Variants in NAV2 observed in about 807,000 individuals in gnomAD.
NAV2 encodes helicase, APC down-regulated 1.
NAV2 carries 54 observed loss-of-function variants against 223.2 expected under a neutral mutation model. That is an observed-to-expected ratio of 0.24 (90% CI 0.19 to 0.30). NAV2 has a LOEUF of 0.30. Among genes scored for constraint, NAV2 ranks in the 10% least tolerant of loss-of-function variants. The pLI, the probability that NAV2 is intolerant of heterozygous loss-of-function variation, is 1.00. For missense variants in NAV2, 2,806 were observed against 3,147.5 expected (o/e 0.89, Z 2.60); for synonymous variants, 1,279 against 1,239.3 (o/e 1.03, Z -0.67).
intron 12 of NAV2, among the ~76,000 whole-genome samples, chr11:20,042,021 A>T (rs1018509289): frequency 5.5e-4 from 84 of 152,048 alleles, no homozygotes; most frequent in African/African-American, 2.0e-3. Context: ...GTTTCACTGG[A>T]TCGTAAGCTC....
chr11:20,023,420 T>G (rs1274355915), intron 11 of NAV2, among the ~76,000 whole-genome samples: 1 of 152,134 alleles, frequency 6.6e-6, no homozygotes, highest in African/African-American at 2.4e-5. Flanking sequence ...CACCTAGACA[T>G]TTGGGTAATG....
intron 6 of NAV2, among the ~76,000 whole-genome samples, chr11:19,894,305 C>T (rs868382724): frequency 2.6e-5 from 4 of 152,140 alleles, no homozygotes; most frequent in Non-Finnish European, 4.4e-5. Context: ...CTTGAAGCTT[C>T]GCCTGTTGAG....
chr11:20,066,272 T>A (rs567484258), intron 20 of NAV2, among the ~76,000 whole-genome samples: 1 of 152,246 alleles, frequency 6.6e-6, no homozygotes, highest in African/African-American at 2.4e-5. Context: ...AGGAAATCAG[T>A]AAGTATTTGA....
chr11:19,830,979 G>A (rs1437487730), intron 1 of NAV2, among the ~76,000 whole-genome samples: 1 of 151,996 alleles, frequency 6.6e-6, no homozygotes, highest in East Asian at 1.9e-4. Flanking sequence ...GGGCTGTGTT[G>A]TGAAATAGAA....
At chr11:19,736,513 C>A (rs1441118504) in intron 1 of NAV2, among the ~76,000 whole-genome samples, 1 of 152,194 alleles carries the variant, frequency 6.6e-6, no homozygotes, top group Non-Finnish European at 1.5e-5. Flanking sequence ...TTTCATAAAA[C>A]TGGATATGCT....
chr11:19,586,010 G>T (rs948053282), intron 1 of NAV2, among the ~76,000 whole-genome samples: 1 of 152,174 alleles, frequency 6.6e-6, no homozygotes, highest in African/African-American at 2.4e-5. Flanking sequence ...GTCAGTTTCA[G>T]GTACACCAAT....
chr11:19,638,798 G>C (rs2047575409), intron 1 of NAV2, among the ~76,000 whole-genome samples: 1 of 152,088 alleles, frequency 6.6e-6, no homozygotes, highest in Non-Finnish European at 1.5e-5. Context: ...TTCGAGACCA[G>C]CCTGACCAAC....
intron 1 of NAV2, among the ~76,000 whole-genome samples, chr11:19,548,870 C>T (rs2044594518): frequency 1.0e-5 from 1 of 98,448 alleles, no homozygotes; most frequent in Non-Finnish European, 2.2e-5. Context: ...ACATCAGGCT[C>T]CGTCTCAAAA....
chr11:19,654,323 A>G (rs1333839075), intron 1 of NAV2, among the ~76,000 whole-genome samples: 1 of 151,838 alleles, frequency 6.6e-6, no homozygotes, highest in East Asian at 1.9e-4. Context: ...TGCCAAAGGT[A>G]ATTTACAGAT....
intron 1 of NAV2, among the ~76,000 whole-genome samples, chr11:19,768,225 G>C (rs2055392129): frequency 6.6e-6 from 1 of 152,160 alleles, no homozygotes; most frequent in South Asian, 2.1e-4. Context: ...TGAAGGGCAG[G>C]CTGTTTTTTT....
rs10524489 is a variant in NAV2, at chr11:19,897,886, TTATA to T, written c.931+5308_931+5311del. ...GCCACAGCTGTGCCTGACCTGTGATTTATATATATATATATATATGTGAGCAGAT... is the reference window on the plus strand; with the variant it reads ...GCCACAGCTGTGCCTGACCTGTGATTTATATATATATATATGTGAGCAGAT... On this transcript the variant is annotated intron_variant, in intron 6 of 37. Transcript: ENST00000349880. 1.3e-4 allele frequency among the ~76,000 whole-genome samples: 16 copies of T among 120,650 alleles called. 4 individuals are homozygous for T. Among genetic ancestry groups the T allele is most frequent in the East Asian group, 1.0e-3 (3 of 2,922 alleles). The allele number at this position is 120,650 out of a possible 152,430, so 79.2% of individuals were successfully genotyped here. A position where few individuals can be genotyped will look rare whatever the true frequency, so the allele number is the denominator to read the frequency against.
At chr11:19,709,083 T>A (rs927184883), upstream of NAV2, among the ~76,000 whole-genome samples, 5 of 152,086 alleles carry the variant, frequency 3.3e-5, no homozygotes, top group Non-Finnish European at 7.4e-5. Context: ...AGTAAACTTA[T>A]AGGCCGTTTT....
At chr11:19,667,366 A>C (rs1007438144) in intron 1 of NAV2, among the ~76,000 whole-genome samples, 2 of 152,190 alleles carry the variant, frequency 1.3e-5, no homozygotes, top group African/African-American at 4.8e-5. Context: ...GTGGACAAAT[A>C]ATTACAATGT....
At chr11:19,913,775 T>C (rs559455782) in intron 6 of NAV2, among the ~76,000 whole-genome samples, 3 of 142,314 alleles carry the variant, frequency 2.1e-5, no homozygotes, top group African/African-American at 5.7e-5. Flanking sequence ...TTTAGTTCTA[T>C]GTACTTTGAT....
chr11:19,766,929 G>A (rs866786573), intron 1 of NAV2, among the ~76,000 whole-genome samples: 1 of 152,176 alleles, frequency 6.6e-6, no homozygotes, highest in African/African-American at 2.4e-5. Flanking sequence ...GACTGCAGGG[G>A]ATGATCCTGT....
chr11:19,488,307 C>T (rs975285768), intron 1 of NAV2, among the ~76,000 whole-genome samples: 2 of 152,186 alleles, frequency 1.3e-5, no homozygotes, highest in Non-Finnish European at 2.9e-5. Flanking sequence ...TTATAACTAG[C>T]TTTATTAGTC....
intron 1 of NAV2, among the ~76,000 whole-genome samples, chr11:19,828,388 C>T (rs1218562754): frequency 1.4e-5 from 2 of 138,830 alleles, no homozygotes; most frequent in Non-Finnish European, 1.6e-5. Flanking sequence ...TATTCTACTT[C>T]GTCTCTATGA....
chr11:19,457,822 C>T (rs540811631), intron 1 of NAV2, among the ~76,000 whole-genome samples: 1 of 152,308 alleles, frequency 6.6e-6, no homozygotes, highest in Admixed American at 6.5e-5. Flanking sequence ...ACAAAGCCCC[C>T]ACCCTGAAGG....
chr11:19,956,709 C>T (rs1345520681), intron 10 of NAV2, among the ~76,000 whole-genome samples: 1 of 152,160 alleles, frequency 6.6e-6, no homozygotes, highest in African/African-American at 2.4e-5. Flanking sequence ...GTGTGTCCAC[C>T]ACCCTGGAAG....
Sources: allele counts gnomAD v4.1 joint callset (sites outside exome capture counted in the v4.1 genomes callset), GRCh38; gene constraint gnomAD v4.1.1; transcripts MANE v1.5; gene names NCBI Gene and HGNC (gene_info 2026-07-23, HGNC 2026-07-21).